The following KCNH7 variants were observed in gnomAD, a reference collection of about 807,000 sequenced individuals.
KCNH7 encodes the protein potassium voltage-gated channel subfamily H member 7, also known as voltage-gated inwardly rectifying potassium channel KCNH7.
A neutral mutation model predicts 120.8 loss-of-function variants in KCNH7; 49 were observed. The ratio of observed to expected loss-of-function variants is 0.41; its 90% CI spans 0.32 to 0.51. The LOEUF is 0.51. Among genes scored for constraint, KCNH7 ranks in the 20% least tolerant of loss-of-function variants. KCNH7 has a pLI of 0.38. For synonymous variants in KCNH7, 547 were observed against 516.1 expected (o/e 1.06, Z -0.81); for missense variants, 1,097 against 1,446.6 (o/e 0.76, Z 3.92).
intron 8 of KCNH7, among the ~76,000 whole-genome samples, chr2:162,432,358 T>C (rs1391660335): frequency 6.6e-6 from 1 of 152,022 alleles, no homozygotes; most frequent in East Asian, 1.9e-4. Flanking sequence ...TTAATAGTTA[T>C]TGAAATGTAA....
intron 2 of KCNH7, among the ~76,000 whole-genome samples, chr2:162,736,619 T>C (rs1027358632): frequency 6.6e-6 from 1 of 152,212 alleles, no homozygotes; most frequent in African/African-American, 2.4e-5. Context: ...GGTGATGTGA[T>C]GCCTTCTAAT....
At chr2:162,588,104 G>A (rs1306383107) in intron 2 of KCNH7, among the ~76,000 whole-genome samples, 2 of 152,040 alleles carry the variant, frequency 1.3e-5, no homozygotes, top group African/African-American at 2.4e-5. Flanking sequence ...AAAGACCATG[G>A]AATGTAGACA....
intron 3 of KCNH7, among the ~76,000 whole-genome samples, chr2:162,520,662 G>A (rs748680223): frequency 6.6e-6 from 1 of 151,774 alleles, no homozygotes; most frequent in Admixed American, 6.6e-5. Context: ...CGAGCCAGTC[G>A]GGAGGCTGCA....
intron 2 of KCNH7, among the ~76,000 whole-genome samples, chr2:162,826,819 A>G (rs1685304446): frequency 6.6e-6 from 1 of 152,132 alleles, no homozygotes; most frequent in Non-Finnish European, 1.5e-5. Context: ...CAGACATAGA[A>G]ACAAATTACT....
At chr2:162,663,619 T>G (rs1250896208) in intron 2 of KCNH7, among the ~76,000 whole-genome samples, 2 of 152,102 alleles carry the variant, frequency 1.3e-5, no homozygotes, top group Non-Finnish European at 2.9e-5. Context: ...CAAGAGTGAA[T>G]AGAAATTGAA....
chr2:162,622,194 T>G (rs1252319128), intron 2 of KCNH7, among the ~76,000 whole-genome samples: 1 of 152,216 alleles, frequency 6.6e-6, no homozygotes, highest in Non-Finnish European at 1.5e-5. Context: ...AGAGGAGCTG[T>G]GCCTTGCTGA....
intron 2 of KCNH7, among the ~76,000 whole-genome samples, chr2:162,589,179 T>C (rs1244216587): frequency 1.3e-5 from 2 of 152,088 alleles, no homozygotes; most frequent in South Asian, 2.1e-4. Context: ...GCCATGGCAC[T>C]CTGGGGCTTT....
At chr2:162,729,162 A>T (rs111400714) in intron 2 of KCNH7, among the ~76,000 whole-genome samples, 2,567 of 119,888 alleles carry the variant, frequency 0.021, 60 homozygotes, top group East Asian at 0.12. Context: ...ATATACCCAA[A>T]TTTTTTTTTT....
At chr2:162,474,192 A>T (rs1459492854) in intron 6 of KCNH7, among the ~76,000 whole-genome samples, 1 of 152,258 alleles carries the variant, frequency 6.6e-6, no homozygotes, top group Non-Finnish European at 1.5e-5. Flanking sequence ...TCCCAGGGGC[A>T]TAAAAGTGAT....
At chr2:162,557,943 A>G (rs1692915197) in intron 2 of KCNH7, among the ~76,000 whole-genome samples, 1 of 152,186 alleles carries the variant, frequency 6.6e-6, no homozygotes, top group Non-Finnish European at 1.5e-5. Flanking sequence ...ATTTCTGTTA[A>G]TCTTCAAAGT....
At chr2:162,402,203 G>C (rs921963540) in intron 9 of KCNH7, among the ~76,000 whole-genome samples, 5 of 150,834 alleles carry the variant, frequency 3.3e-5, no homozygotes, top group Admixed American at 1.3e-4. Context: ...TCTGCCTCCA[G>C]GTCCTGGAGG....
At chr2:162,418,365 T>C (rs566606240) in intron 9 of KCNH7, among the ~76,000 whole-genome samples, 2 of 152,256 alleles carry the variant, frequency 1.3e-5, no homozygotes, top group African/African-American at 4.8e-5. Context: ...GTCTAGGTCA[T>C]GGACTGTATT....
In KCNH7 at chr2:162,487,494, G is replaced by A. The variant is rs935459999; in HGVS notation, c.1128+16949C>T. On this transcript the variant is annotated intron_variant, in intron 6 of 15. Transcript: ENST00000332142. ...GGGGGGTGAGTGGGGAGGAGGGAGA[G>A]GGAGAGTGTGTTCCAGATGATTCCA... Among the ~76,000 whole-genome samples the A allele has an allele frequency of 7.2e-5, 11 of 152,058 alleles. 1 individual carries two copies. The highest frequency in any genetic ancestry group is 1.9e-4 in the African/African-American group (8 of 41,406).
At chr2:162,436,257 C>A (rs1688233813) in intron 7 of KCNH7, among the ~76,000 whole-genome samples, 1 of 152,006 alleles carries the variant, frequency 6.6e-6, no homozygotes, top group South Asian at 2.1e-4. Flanking sequence ...TGAGAAGGAG[C>A]CAGTCAAGCC....
intron 6 of KCNH7, among the ~76,000 whole-genome samples, chr2:162,491,360 G>T (rs759540855): frequency 2.1e-4 from 32 of 152,250 alleles, no homozygotes; most frequent in Admixed American, 3.9e-4. Context: ...TATGCAAGAG[G>T]TTTTTTTGTT....
At chr2:162,449,368 G>C (rs1007533431) in intron 6 of KCNH7, among the ~76,000 whole-genome samples, 5 of 151,986 alleles carry the variant, frequency 3.3e-5, no homozygotes, top group Non-Finnish European at 2.9e-5. Flanking sequence ...AAACAGATTA[G>C]AACTTCTTAT....
chr2:162,438,235 A>G (rs1286354930), intron 7 of KCNH7, among the ~76,000 whole-genome samples: 1 of 152,142 alleles, frequency 6.6e-6, no homozygotes, highest in Non-Finnish European at 1.5e-5. Flanking sequence ...GGTTGTAAAG[A>G]CGGTAGAGTA....
intron 14 of KCNH7, among the ~76,000 whole-genome samples, chr2:162,379,458 A>G (rs75162577): frequency 0.012 from 1,900 of 152,280 alleles, 23 homozygotes; most frequent in Middle Eastern, 0.037. Flanking sequence ...CTTTGTCAGT[A>G]TTTTTTAAAT....
chr2:162,769,737 A>G (rs1168994724), intron 2 of KCNH7, among the ~76,000 whole-genome samples: 1 of 152,052 alleles, frequency 6.6e-6, no homozygotes, highest in Non-Finnish European at 1.5e-5. Flanking sequence ...GCATATGTAT[A>G]TATATAAATG....
Sources: gnomAD v4.1 joint callset for allele counts (sites outside exome capture counted in the v4.1 genomes callset) on GRCh38, gnomAD v4.1.1 for gene constraint, MANE v1.5 for transcripts, NCBI Gene and HGNC (gene_info 2026-07-23, HGNC 2026-07-21) for gene names.